Variants in NSUN3 observed in about 807,000 individuals in gnomAD.
NSUN3 encodes tRNA (cytosine(34)-C(5))-methyltransferase, mitochondrial.
A neutral mutation model predicts 36.8 loss-of-function variants in NSUN3; 24 were observed. The ratio of observed to expected loss-of-function variants is 0.65; its 90% CI spans 0.47 to 0.92. The LOEUF is 0.92. NSUN3 is among the 40% of genes least tolerant of loss of function. The probability of loss-of-function intolerance (pLI) is 0.00; values close to 1 mark genes in which losing one functional copy is unlikely to be tolerated. For synonymous variants in NSUN3, 146 were observed against 145.2 expected, an observed-to-expected ratio of 1.01 and a Z score of -0.04; for missense variants, 381 against 392.8, an observed-to-expected ratio of 0.97 and a Z score of 0.25.
chr3:94,076,547 G>T, intron 2 of NSUN3: 1 of 807,506 alleles, frequency 1.2e-6, no homozygotes, highest in Non-Finnish European at 2.2e-6. Flanking sequence ...TCCCTCCTTT[G>T]GAACAGCACT....
chr3:94,103,950 ATCT>A (rs767234439), intron 5 of NSUN3, among the ~76,000 whole-genome samples: 19 of 152,196 alleles, frequency 1.2e-4, no homozygotes, highest in African/African-American at 2.7e-4. Context: ...ACCCAATTAA[ATCT>A]TCTCATAAAC....
rs80133433 is a variant in NSUN3, at chr3:94,072,707, C to T, written c.122+8161C>T. On this transcript the variant is annotated intron_variant, in intron 2 of 5. Coordinates refer to ENST00000314622, the MANE Select transcript of NSUN3 (RefSeq NM_022072.5). Reference sequence around the variant, plus strand: ...GTAGATCATGAAAGATCAAAAATTTCGTTTGTTCTATTTAGGCCTTATTTT... The same window carrying T: ...GTAGATCATGAAAGATCAAAAATTTTGTTTGTTCTATTTAGGCCTTATTTT... 3.3e-4 allele frequency among the ~76,000 whole-genome samples: 42 copies of T among 126,184 alleles called. No individual in the cohort carries two copies. The East Asian group carries it at 3.6e-3, about 11-fold the overall frequency. 82.8% of individuals were successfully genotyped at this position (126,184 alleles called of 152,430 possible).
At position 94,094,237 on chromosome 3, in the gene NSUN3, A is replaced by G. The variant is rs1288044535; in HGVS notation, c.564A>G (p.Lys188=). The G allele has an allele frequency of 1.9e-6, 3 of 1,613,792 alleles. No individual in the cohort carries two copies. Among genetic ancestry groups the G allele is most frequent in the African/African-American group, 2.7e-5 (2 of 75,046 alleles). ...FIPQPLINVI[K]VSELDGRKMG... ...CACAGCCTTTGATAAATGTAATTAA[A>G]GTGTCTGAATTGGATGGCAGAAAAA... Residue 188 remains lysine, a synonymous_variant, in exon 4 of 6, where the codon AAA becomes AAG. Coordinates refer to ENST00000314622, the MANE Select transcript of NSUN3 (RefSeq NM_022072.5).
At chr3:94,099,787 C>A (rs1430191741) in intron 5 of NSUN3, among the ~76,000 whole-genome samples, 1 of 145,414 alleles carries the variant, frequency 6.9e-6, no homozygotes, top group Non-Finnish European at 1.5e-5. Context: ...TATCTCCTGC[C>A]CTTGACTTCA....
intron 3 of NSUN3, among the ~76,000 whole-genome samples, chr3:94,090,991 C>T (rs1213615083): frequency 5.9e-5 from 9 of 152,160 alleles, no homozygotes; most frequent in Non-Finnish European, 1.3e-4. Flanking sequence ...AGGAAAACTG[C>T]CTGTCTTCAA....
chr3:94,066,574 C>T (rs974912237), intron 2 of NSUN3, among the ~76,000 whole-genome samples: 2 of 152,118 alleles, frequency 1.3e-5, no homozygotes, highest in Non-Finnish European at 2.9e-5. Flanking sequence ...CTTGTCTAGT[C>T]ATCCTCTGAG....
intron 5 of NSUN3, among the ~76,000 whole-genome samples, chr3:94,115,182 A>G (rs560601229): frequency 6.6e-6 from 1 of 152,322 alleles, no homozygotes; most frequent in Non-Finnish European, 1.5e-5. Flanking sequence ...TTTATAAGGT[A>G]GTCTCATATA....
chr3:94,074,902 T>G (rs2077240199), intron 2 of NSUN3, among the ~76,000 whole-genome samples: 1 of 152,184 alleles, frequency 6.6e-6, no homozygotes, highest in East Asian at 1.9e-4. Flanking sequence ...AAGGAATGCT[T>G]CCAGTTTTTG....
chr3:94,099,521 C>A (rs1336299147), intron 5 of NSUN3, among the ~76,000 whole-genome samples: 2 of 152,126 alleles, frequency 1.3e-5, no homozygotes, highest in Non-Finnish European at 2.9e-5. Context: ...TTGCACCAGC[C>A]ATCTCCCATT....
intron 2 of NSUN3, chr3:94,076,863 C>G (rs1293736644): frequency 3.9e-6 from 6 of 1,551,774 alleles, no homozygotes; most frequent in Non-Finnish European, 5.3e-6. Context: ...CCTCCAAATT[C>G]TCCTTTCTCA....
At chr3:94,076,167 G>A (rs530836549) in intron 2 of NSUN3, 80 of 1,128,834 alleles carry the variant, frequency 7.1e-5, no homozygotes, top group African/African-American at 5.5e-4. Context: ...TTCAGTCTGC[G>A]ATCAGTACCA....
intron 5 of NSUN3, among the ~76,000 whole-genome samples, chr3:94,120,170 G>C (rs1455471567): frequency 6.6e-6 from 1 of 152,212 alleles, no homozygotes; most frequent in Non-Finnish European, 1.5e-5. Flanking sequence ...GACCAAAATA[G>C]TCATTTTCAT....
intron 5 of NSUN3, among the ~76,000 whole-genome samples, chr3:94,117,470 G>A (rs1187659726): frequency 6.6e-6 from 1 of 151,942 alleles, no homozygotes; most frequent in Non-Finnish European, 1.5e-5. Context: ...CTATTTAATG[G>A]TTTCTTTTTA....
At chr3:94,122,779 C>T (rs73158010) in intron 5 of NSUN3, among the ~76,000 whole-genome samples, 15 of 152,246 alleles carry the variant, frequency 9.9e-5, no homozygotes, top group Non-Finnish European at 2.1e-4. Flanking sequence ...TCTCTCCCTT[C>T]TACTTCCCAG....
At chr3:94,094,436 C>A in intron 4 of NSUN3, 142 bp downstream of exon 4, 1 of 747,858 alleles carries the variant, frequency 1.3e-6, no homozygotes, top group Non-Finnish European at 2.1e-6. Flanking sequence ...ATAAAGTGAA[C>A]ATGGAAGCAG....
chr3:94,081,414 T>C (rs1307694781), intron 2 of NSUN3, among the ~76,000 whole-genome samples: 1 of 152,220 alleles, frequency 6.6e-6, no homozygotes, highest in Non-Finnish European at 1.5e-5. Context: ...TCTCTCCCCC[T>C]AAAGTTTTTT....
At chr3:94,064,091 C>T (rs2077193277) in intron 1 of NSUN3, 1 of 192,670 alleles carries the variant, frequency 5.2e-6, no homozygotes, top group Non-Finnish European at 1.1e-5. Context: ...ATGTGATCCT[C>T]CCGCCTCTGC....
At chr3:94,077,333 G>C (rs1377446207) in intron 2 of NSUN3, among the ~76,000 whole-genome samples, 1 of 152,178 alleles carries the variant, frequency 6.6e-6, no homozygotes, top group Non-Finnish European at 1.5e-5. Context: ...ACTGGATTTG[G>C]TTTGCCAGTA....
chr3:94,067,672 G>T (rs1300820748), intron 2 of NSUN3, among the ~76,000 whole-genome samples: 1 of 152,124 alleles, frequency 6.6e-6, no homozygotes, highest in South Asian at 2.1e-4. Flanking sequence ...AGTCAATGTT[G>T]TAATCACTTT....
Sources: allele counts gnomAD v4.1 joint callset (sites outside exome capture counted in the v4.1 genomes callset), GRCh38; gene constraint gnomAD v4.1.1; transcripts MANE v1.5; gene names NCBI Gene and HGNC (gene_info 2026-07-23, HGNC 2026-07-21).